Variants in SNTG2 observed in about 807,000 individuals in gnomAD.
SNTG2 encodes the protein syntrophin gamma 2, also known as gamma-2-syntrophin.
SNTG2 carries 74 observed loss-of-function variants against 70.9 expected under a neutral mutation model. That is an observed-to-expected ratio of 1.04 (90% CI 0.86 to 1.27). SNTG2 has a LOEUF of 1.27. Ranked by LOEUF, SNTG2 falls within the 50% of genes most tolerant of loss-of-function variation. The pLI is 0.00. For synonymous variants in SNTG2, 278 were observed against 273.8 expected, an observed-to-expected ratio of 1.02 and a Z score of -0.15; for missense variants, 717 against 690.7, an observed-to-expected ratio of 1.04 and a Z score of -0.43.
At chr2:1,183,261 G>C (rs546208236) in intron 8 of SNTG2, among the ~76,000 whole-genome samples, 1 of 152,200 alleles carries the variant, frequency 6.6e-6, no homozygotes, top group African/African-American at 2.4e-5. Flanking sequence ...AATGATGTGG[G>C]CATTGGAGTT....
At chr2:1,357,915 C>A (rs550641837) in intron 16 of SNTG2, among the ~76,000 whole-genome samples, 1 of 151,890 alleles carries the variant, frequency 6.6e-6, no homozygotes, top group African/African-American at 2.4e-5. Context: ...TATTAGTGAG[C>A]TTGAATTTCT....
At position 1,318,253 on chromosome 2, in the gene SNTG2, C is replaced by T. The variant is rs147659972; in HGVS notation, c.1488+1878C>T. 1.4e-3 allele frequency among the ~76,000 whole-genome samples: 215 copies of T among 152,266 alleles called. 3 individuals carry two copies. The highest frequency in any genetic ancestry group is 0.012 in the Admixed American group (188 of 15,302). ...TAAAAAATAGACTCATGAACACATA[C>T]GGTGTGGAAACAGATTGTCAATACT... On this transcript the variant is annotated intron_variant, in intron 16 of 16. Coordinates refer to ENST00000308624, the MANE Select transcript of SNTG2 (RefSeq NM_018968.4).
chr2:1,233,796 G>A (rs889302953), intron 9 of SNTG2, among the ~76,000 whole-genome samples: 3 of 152,148 alleles, frequency 2.0e-5, no homozygotes, highest in Non-Finnish European at 4.4e-5. Context: ...CTAAGGGCAC[G>A]AGGAAACCCT....
At chr2:1,179,804 T>C (rs892529575) in intron 8 of SNTG2, among the ~76,000 whole-genome samples, 5 of 145,140 alleles carry the variant, frequency 3.4e-5, no homozygotes, top group Non-Finnish European at 7.6e-5. Flanking sequence ...TCACGCTACC[T>C]GACTTCAAAC....
chr2:1,061,102 G>A lies in SNTG2; in HGVS notation c.73-22416G>A, dbSNP rs559219066. Among the ~76,000 whole-genome samples the A allele has an allele frequency of 1.4e-4, 21 of 152,084 alleles. 1 individual carries two copies. The South Asian group carries it at 3.1e-3, about 23-fold the overall frequency. On this transcript the variant is annotated intron_variant, in intron 1 of 16. Coordinates refer to ENST00000308624, the MANE Select transcript of SNTG2 (RefSeq NM_018968.4). ...TGACCCATGTTTCCAAAAAAAAAGA[G>A]TCAAGATCAAGAAAGGTAAACAAAG...
intron 14 of SNTG2, among the ~76,000 whole-genome samples, chr2:1,300,657 T>A (rs1270161794): frequency 2.0e-5 from 3 of 152,240 alleles, no homozygotes; most frequent in Non-Finnish European, 4.4e-5. Flanking sequence ...GTTTTGTTAA[T>A]GAACAGAATC....
chr2:1,301,292 G>A (rs912381006), intron 14 of SNTG2, among the ~76,000 whole-genome samples: 9 of 152,216 alleles, frequency 5.9e-5, no homozygotes, highest in Admixed American at 2.0e-4. Flanking sequence ...CTTACCCCGC[G>A]CCCTGCTGAG....
intron 9 of SNTG2, among the ~76,000 whole-genome samples, chr2:1,237,244 A>G (rs1676723443): frequency 6.6e-6 from 1 of 152,200 alleles, no homozygotes; most frequent in Non-Finnish European, 1.5e-5. Context: ...CGCCCGGCCA[A>G]TATGCACTAT....
intron 8 of SNTG2, among the ~76,000 whole-genome samples, chr2:1,175,983 C>A (rs1433192279): frequency 1.3e-5 from 2 of 152,184 alleles, no homozygotes; most frequent in Non-Finnish European, 2.9e-5. Context: ...CCTGGTTCTT[C>A]AGGCTTTGGT....
chr2:1,302,204 C>T (rs1680482963), intron 14 of SNTG2, among the ~76,000 whole-genome samples: 1 of 152,068 alleles, frequency 6.6e-6, no homozygotes, highest in Admixed American at 6.6e-5. Context: ...CGTGATCCTC[C>T]CACCTCAGCC....
rs1194838010 is a variant in SNTG2 at position 1,221,481 on chromosome 2, C to G, written c.719+12251C>G. Reference sequence around the variant, plus strand: ...TCTGTCTCTGTCTCTCTGTCTCTCTCTCTCTCTGTCTCTCTCTGTCTCTCT... The same window carrying G: ...TCTGTCTCTGTCTCTCTGTCTCTCTGTCTCTCTGTCTCTCTCTGTCTCTCT... On this transcript the variant is annotated intron_variant, in intron 9 of 16. Transcript: ENST00000308624. 2.6e-3 allele frequency among the ~76,000 whole-genome samples: 53 copies of G among 20,552 alleles called. 5 individuals carry two copies. Among genetic ancestry groups the G allele is most frequent in the Non-Finnish European group, 5.2e-3 (44 of 8,440 alleles). 13.5% of individuals were successfully genotyped at this position (20,552 alleles called of 152,430 possible).
chr2:1,171,808 C>G (rs1158457259), intron 7 of SNTG2, among the ~76,000 whole-genome samples: 1 of 152,072 alleles, frequency 6.6e-6, no homozygotes, highest in Non-Finnish European at 1.5e-5. Flanking sequence ...TACAGCTGGA[C>G]AAAGGGTAAC....
intron 9 of SNTG2, among the ~76,000 whole-genome samples, chr2:1,231,758 C>T (rs1394681686): frequency 1.3e-5 from 2 of 152,128 alleles, no homozygotes; most frequent in South Asian, 2.1e-4. Flanking sequence ...AGTGTAGACA[C>T]CACCTTCCCG....
rs113196115 is a variant in SNTG2, at chr2:1,219,146, G to GT, written c.719+9918dup. 4.4e-4 allele frequency among the ~76,000 whole-genome samples: 67 copies of GT among 152,210 alleles called. 1 individual carries two copies. The highest frequency in any genetic ancestry group is 1.5e-3 in the African/African-American group (64 of 41,538). ...GAGTGAGTTCTCATGAGAACCAGCT[G>GT]TTAAAAGTGTATGGCACCTGCCCTC... On this transcript the variant is annotated intron_variant, in intron 9 of 16. Coordinates refer to ENST00000308624, the MANE Select transcript of SNTG2 (RefSeq NM_018968.4).
intron 6 of SNTG2, among the ~76,000 whole-genome samples, chr2:1,164,707 A>T (rs1374178192): frequency 1.3e-5 from 2 of 149,950 alleles, no homozygotes; most frequent in African/African-American, 4.9e-5. Flanking sequence ...AATTTTGGAC[A>T]GTCTCCATGT....
intron 6 of SNTG2, among the ~76,000 whole-genome samples, chr2:1,138,418 G>C (rs1379589088): frequency 6.6e-6 from 1 of 152,192 alleles, no homozygotes; most frequent in African/African-American, 2.4e-5. Flanking sequence ...ACTCATTCTG[G>C]CTGTTGGGAA....
intron 1 of SNTG2, among the ~76,000 whole-genome samples, chr2:981,223 G>C (rs2147966813): frequency 6.6e-6 from 1 of 152,334 alleles, no homozygotes; most frequent in East Asian, 1.9e-4. Flanking sequence ...ACAAATAGCT[G>C]CCTGTTCTCC....
chr2:1,151,603 C>G (rs1669500655), intron 6 of SNTG2, among the ~76,000 whole-genome samples: 3 of 152,282 alleles, frequency 2.0e-5, no homozygotes, highest in African/African-American at 7.2e-5. Flanking sequence ...ACTCTAGGAA[C>G]CTTCAATGCT....
chr2:1,046,841 C>A (rs12479068), intron 1 of SNTG2, among the ~76,000 whole-genome samples: 1 of 151,924 alleles, frequency 6.6e-6, no homozygotes, highest in African/African-American at 2.4e-5. Context: ...GTCTTGGAAG[C>A]TGGTGATCTT....
Sources: allele counts gnomAD v4.1 joint callset (sites outside exome capture counted in the v4.1 genomes callset), GRCh38; gene constraint gnomAD v4.1.1; transcripts MANE v1.5; gene names NCBI Gene and HGNC (gene_info 2026-07-23, HGNC 2026-07-21).